Variants in XRRA1 observed in about 807,000 individuals in gnomAD.
XRRA1 encodes the protein X-ray radiation resistance-associated protein 1.
XRRA1 carries 69 observed loss-of-function variants against 80.2 expected under a neutral mutation model. That is an observed-to-expected ratio of 0.86 (90% confidence interval 0.71 to 1.05). XRRA1 has a LOEUF of 1.05. Among genes scored for constraint, XRRA1 ranks in the 50% least tolerant of loss-of-function variants. The pLI, the probability that XRRA1 is intolerant of heterozygous loss-of-function variation, is 0.00. For missense variants in XRRA1, 967 were observed against 976.4 expected (o/e 0.99, Z 0.13); for synonymous variants, 348 against 389.9 (o/e 0.89, Z 1.27).
rs1450690845 is a variant in XRRA1 at position 74,843,933 on chromosome 11, T to TG, written c.2069dup (p.Lys692GlufsTer3). ...CCAGAAGTTGGGCTCTAGTCTTCTTTGGGGGTGGAATCGGGATTCTCTGGG... is the reference window on the plus strand; with the variant it reads ...CCAGAAGTTGGGCTCTAGTCTTCTTTGGGGGGTGGAATCGGGATTCTCTGGG... On this transcript the variant is annotated frameshift_variant, in exon 18 of 19. Transcript: ENST00000684022. LOFTEE classifies it high-confidence loss of function. 2 of 1,613,696 alleles carry TG rather than the reference T, an allele frequency of 1.2e-6. No homozygotes were observed. The highest frequency in any genetic ancestry group is 1.7e-6 in the Non-Finnish European group (2 of 1,179,768).
At chr11:74,892,221 A>T (rs2050942182) in intron 10 of XRRA1, among the ~76,000 whole-genome samples, 1 of 152,162 alleles carries the variant, frequency 6.6e-6, no homozygotes, top group Admixed American at 6.5e-5. Context: ...AGACCAATGG[A>T]ACAGAACAGA....
Position 74,852,036 on chromosome 11 carries a change from A to C in XRRA1, c.1217T>G (p.Leu406Arg), listed in dbSNP as rs1022400196. Reference protein sequence around the residue: ...AVLPVALFPSLCEFVFHNNPL... With the variant: ...AVLPVALFPSRCEFVFHNNPL... ...GTTGTTATGAAAGACGAACTCGCAG[A>C]GAGATGGGAAGAGAGCTACTGGTAG... Residue 406 changes from leucine to arginine, a missense_variant, in exon 13 of 19, where the codon CTC (leucine) becomes CGC (arginine). Transcript: ENST00000684022. The C allele has an allele frequency of 3.1e-6, 5 of 1,613,744 alleles. No homozygotes were observed.
intron 10 of XRRA1, among the ~76,000 whole-genome samples, chr11:74,873,947 AAAAC>A (rs1488695140): frequency 6.6e-6 from 1 of 152,058 alleles, no homozygotes; most frequent in Non-Finnish European, 1.5e-5. Flanking sequence ...CCTCATAAAA[AAAAC>A]TCAAGGCCAG....
intron 6 of XRRA1, among the ~76,000 whole-genome samples, chr11:74,928,027 T>G (rs1327827905): frequency 6.6e-6 from 1 of 152,240 alleles, no homozygotes; most frequent in Non-Finnish European, 1.5e-5. Context: ...TTAAAGATTA[T>G]TCCATGTCAA....
At chr11:74,881,344 A>G (rs1203972511) in intron 10 of XRRA1, among the ~76,000 whole-genome samples, 2 of 150,938 alleles carry the variant, frequency 1.3e-5, no homozygotes, top group Non-Finnish European at 2.9e-5. Flanking sequence ...TTTTATTTTG[A>G]GCCTATGTGC....
chr11:74,936,990 C>T lies in XRRA1; in HGVS notation c.173G>A (p.Arg58His), dbSNP rs762113331. 32 of 1,613,744 alleles carry T rather than the reference C, an allele frequency of 2.0e-5. No individual in the cohort carries two copies. Among genetic ancestry groups the T allele is most frequent in the East Asian group, 1.1e-4 (5 of 44,874 alleles). Residue 58 changes from arginine to histidine, a missense_variant, in exon 4 of 19, where the codon CGT (arginine) becomes CAT (histidine). Transcript: ENST00000684022. ...PKGLVGAQAE[R>H]RESLKATSFE... Reference sequence around the variant, plus strand: ...AGAAGTCGCCTTCAGGCTTTCCCGACGTTCAGCTTGTGCTCCAACCAAACC... The same window carrying T: ...AGAAGTCGCCTTCAGGCTTTCCCGATGTTCAGCTTGTGCTCCAACCAAACC...
intron 12 of XRRA1, among the ~76,000 whole-genome samples, chr11:74,858,894 G>A (rs7105085): frequency 0.26 from 40,116 of 152,048 alleles, 6,030 homozygotes; most frequent in East Asian, 0.53. Context: ...AGGGCAGAGA[G>A]GCCAAGTCTC....
intron 2 of XRRA1, among the ~76,000 whole-genome samples, chr11:74,941,330 C>T (rs1271307705): frequency 6.6e-6 from 1 of 152,114 alleles, no homozygotes; most frequent in Non-Finnish European, 1.5e-5. Context: ...TTTGTTTTAA[C>T]AGAGTTCAGA....
intron 8 of XRRA1, among the ~76,000 whole-genome samples, chr11:74,917,866 C>A (rs1939239087): frequency 6.6e-6 from 1 of 152,028 alleles, no homozygotes; most frequent in Admixed American, 6.6e-5. Flanking sequence ...CAGCCACTTG[C>A]ATTTCTCATT....
intron 10 of XRRA1, among the ~76,000 whole-genome samples, chr11:74,864,826 C>T (rs910792674): frequency 1.3e-5 from 2 of 152,234 alleles, no homozygotes; most frequent in Non-Finnish European, 1.5e-5. Flanking sequence ...CTATATCTTG[C>T]AGCCTGAGGC....
chr11:74,864,294 G>T (rs1226201737), intron 10 of XRRA1, among the ~76,000 whole-genome samples: 1 of 152,130 alleles, frequency 6.6e-6, no homozygotes, highest in Non-Finnish European at 1.5e-5. Flanking sequence ...GGACCCAGGT[G>T]AACTAATTCA....
chr11:74,904,790 A>G (rs946503654), intron 10 of XRRA1, among the ~76,000 whole-genome samples: 3 of 151,910 alleles, frequency 2.0e-5, no homozygotes, highest in African/African-American at 7.3e-5. Context: ...TCAAAACCAA[A>G]ATTATTTATC....
At chr11:74,919,664 C>A in intron 8 of XRRA1, 1 of 549,872 alleles carries the variant, frequency 1.8e-6, no homozygotes, top group South Asian at 1.5e-5. Context: ...GAGAATACAC[C>A]ATCAACATTC....
At chr11:74,916,425 T>G (rs1938705602) in intron 8 of XRRA1, among the ~76,000 whole-genome samples, 1 of 152,168 alleles carries the variant, frequency 6.6e-6, no homozygotes, top group South Asian at 2.1e-4. Flanking sequence ...TTGCTGATTC[T>G]CTCTTCTGAC....
At chr11:74,943,577 G>C (rs1318845636) in intron 2 of XRRA1, among the ~76,000 whole-genome samples, 1 of 151,122 alleles carries the variant, frequency 6.6e-6, no homozygotes, top group East Asian at 2.0e-4. Context: ...GTCAGAGAGA[G>C]AGAGAGAGAG....
At chr11:74,882,940 T>G (rs1422608177) in intron 10 of XRRA1, among the ~76,000 whole-genome samples, 2 of 152,244 alleles carry the variant, frequency 1.3e-5, no homozygotes, top group Non-Finnish European at 2.9e-5. Flanking sequence ...CATTTAAGTC[T>G]GCAGAGGTTA....
At chr11:74,893,193 T>A (rs1010172422) in intron 10 of XRRA1, among the ~76,000 whole-genome samples, 1 of 152,176 alleles carries the variant, frequency 6.6e-6, no homozygotes, top group Non-Finnish European at 1.5e-5. Context: ...TAAGAAAATG[T>A]GCCACATATA....
chr11:74,919,510 G>T (rs1939950868), intron 8 of XRRA1: 1 of 292,906 alleles, frequency 3.4e-6, no homozygotes, highest in South Asian at 3.9e-5. Context: ...TACCTTGAGT[G>T]GGTTTTGTAT....
intron 10 of XRRA1, among the ~76,000 whole-genome samples, chr11:74,898,737 T>C (rs985296532): frequency 2.0e-5 from 3 of 152,168 alleles, no homozygotes; most frequent in African/African-American, 4.8e-5. Flanking sequence ...CAAATATATA[T>C]GCACCCACCA....
Sources: allele counts gnomAD v4.1 joint callset (sites outside exome capture counted in the v4.1 genomes callset), GRCh38; gene constraint gnomAD v4.1.1; transcripts MANE v1.5; gene names NCBI Gene and HGNC (gene_info 2026-07-23, HGNC 2026-07-21).